Variants in ZNF503 observed in about 807,000 individuals in gnomAD.
ZNF503 encodes zinc finger protein 503.
A neutral mutation model predicts 34.4 loss-of-function variants in ZNF503; 15 were observed. The ratio of observed to expected loss-of-function variants is 0.44; its 90% CI spans 0.29 to 0.67. The LOEUF (loss-of-function observed/expected upper bound fraction) is 0.67, where lower values mean the gene tolerates loss of function less well. Among genes scored for constraint, ZNF503 ranks in the 30% least tolerant of loss-of-function variants. The pLI, the probability that ZNF503 is intolerant of heterozygous loss-of-function variation, is 0.13. For synonymous variants in ZNF503, 580 were observed against 456.8 expected, an observed-to-expected ratio of 1.27 and a Z score of -3.44; for missense variants, 1,007 against 926.8, an observed-to-expected ratio of 1.09 and a Z score of -1.12.
chr10:75,377,030 A>T, the ZNF503 span, among the ~76,000 whole-genome samples: 29 of 152,364 alleles, frequency 1.9e-4, no homozygotes, highest in Non-Finnish European at 3.2e-4. Flanking sequence ...GACCAGCAAC[A>T]TCAGCATCAC....
chr10:75,310,787 C>T, the ZNF503 span, among the ~76,000 whole-genome samples: 1 of 152,168 alleles, frequency 6.6e-6, no homozygotes, highest in South Asian at 2.1e-4. Flanking sequence ...AGAAACTAGA[C>T]TACTACCTGC....
the ZNF503 span, chr10:75,279,819 T>A: frequency 6.6e-6 from 1 of 152,238 alleles, no homozygotes; most frequent in Non-Finnish European, 1.5e-5. Context: ...GATGACGGTC[T>A]GATTCCTAGT....
chr10:75,314,820 A>G, the ZNF503 span, among the ~76,000 whole-genome samples: 2 of 152,238 alleles, frequency 1.3e-5, no homozygotes, highest in Non-Finnish European at 2.9e-5. Flanking sequence ...GAAATGAAGG[A>G]GACATAAAGA....
the ZNF503 span, among the ~76,000 whole-genome samples, chr10:75,330,254 T>C: frequency 6.6e-6 from 1 of 152,218 alleles, no homozygotes; most frequent in African/African-American, 2.4e-5. Flanking sequence ...GGATTTGGCT[T>C]GCTAATGTTT....
chr10:75,386,815 C>T, the ZNF503 span, among the ~76,000 whole-genome samples: 1 of 152,340 alleles, frequency 6.6e-6, no homozygotes, highest in African/African-American at 2.4e-5. Context: ...GCCTATTCAT[C>T]ATCCAAGCCC....
the ZNF503 span, among the ~76,000 whole-genome samples, chr10:75,287,592 T>A: frequency 2.0e-5 from 3 of 152,252 alleles, no homozygotes; most frequent in Admixed American, 6.5e-5. Context: ...TTTGTGATAC[T>A]TTCTGGACCT....
At chr10:75,392,121 G>A in the ZNF503 span, among the ~76,000 whole-genome samples, 2 of 152,138 alleles carry the variant, frequency 1.3e-5, no homozygotes, top group African/African-American at 4.8e-5. Context: ...TACTTTATTC[G>A]GCTTCATCAC....
chr10:75,281,429 G>A, the ZNF503 span, among the ~76,000 whole-genome samples: 2 of 152,146 alleles, frequency 1.3e-5, no homozygotes, highest in Admixed American at 6.5e-5. Flanking sequence ...CGAGTGTGCC[G>A]CCTGGTTCCT....
At position 75,401,756 on chromosome 10, in the gene ZNF503, C is replaced by CG. The variant is rs1564761773; in HGVS notation, c.-338dup. The CG allele has an allele frequency of 2.9e-6, 1 of 343,630 alleles. No homozygotes were observed. The highest frequency in any genetic ancestry group is 2.2e-5 in the African/African-American group (1 of 45,174). The allele number at this position is 343,630 out of a possible 1,614,324, so 21.3% of individuals were successfully genotyped here. On this transcript the variant is annotated 5_prime_UTR_variant, in exon 1 of 2. Transcript: ENST00000372524. ...CGATGCGAGCCGCTGCGTGTCCAGC[C>CG]GGGGCTCTGGCGAGGAAACTCACTT...
At chr10:75,324,251 T>C in the ZNF503 span, among the ~76,000 whole-genome samples, 2 of 152,192 alleles carry the variant, frequency 1.3e-5, no homozygotes, top group East Asian at 3.9e-4. Flanking sequence ...TTTTCTCCTG[T>C]ATTTCTTCTA....
At chr10:75,369,324 G>A in the ZNF503 span, among the ~76,000 whole-genome samples, 1 of 152,230 alleles carries the variant, frequency 6.6e-6, no homozygotes, top group Admixed American at 6.5e-5. Context: ...ATCTTGAATT[G>A]TCATAACCCC....
At chr10:75,334,645 T>C in the ZNF503 span, among the ~76,000 whole-genome samples, 9 of 152,208 alleles carry the variant, frequency 5.9e-5, no homozygotes, top group African/African-American at 2.2e-4. Context: ...TATTTATATA[T>C]TCTAGAAATA....
rs1240925223 is a variant in ZNF503, at chr10:75,400,105, A to G, written c.585T>C (p.Gly195=). Residue 195 remains glycine (G), a synonymous_variant, in exon 2 of 2, where the codon GGT becomes GGC. Coordinates refer to ENST00000372524, the MANE Select transcript of ZNF503 (RefSeq NM_032772.6). The stretch of plus-strand genomic sequence containing the variant: ...CCCCGCCGCCGCCCCCGCCACCGCC[A>G]CCGCCTCCACCGCCGCCTCCCGGCT... ...KKEPGGGGGG[G]GGGGGGGGGV... The G allele has an allele frequency of 1.1e-6, 1 of 924,238 alleles. No homozygotes were observed. The highest frequency in any genetic ancestry group is 1.5e-6 in the Non-Finnish European group (1 of 683,406). 57.3% of individuals were successfully genotyped at this position (924,238 alleles called of 1,614,324 possible). A position where few individuals can be genotyped will look rare whatever the true frequency, so the allele number is the denominator to read the frequency against.
the ZNF503 span, among the ~76,000 whole-genome samples, chr10:75,322,553 G>A: frequency 6.6e-6 from 1 of 151,974 alleles, no homozygotes; most frequent in Non-Finnish European, 1.5e-5. Context: ...TTTTTGGCCA[G>A]GCACTGTCAC....
the ZNF503 span, among the ~76,000 whole-genome samples, chr10:75,281,889 G>A: frequency 6.6e-6 from 1 of 152,186 alleles, no homozygotes; most frequent in Non-Finnish European, 1.5e-5. Context: ...AGCTTAGAAG[G>A]GAACCAAATT....
the ZNF503 span, among the ~76,000 whole-genome samples, chr10:75,296,180 T>C: frequency 6.6e-6 from 1 of 152,190 alleles, no homozygotes; most frequent in African/African-American, 2.4e-5. Context: ...GGGAAGAGAA[T>C]TGTCCTGGAG....
chr10:75,400,451 G>C (rs1485516719), intron 1 of ZNF503, 77 bp from the exon 2 acceptor site: 1 of 1,478,560 alleles, frequency 6.8e-7, no homozygotes, highest in East Asian at 2.3e-5. Flanking sequence ...GGCTTCTGGG[G>C]TTCAAATGCC....
the ZNF503 span, chr10:75,361,822 A>C: frequency 6.6e-6 from 1 of 152,244 alleles, no homozygotes; most frequent in Non-Finnish European, 1.5e-5. Flanking sequence ...CATGAGCCTG[A>C]TAGCTGCCCA....
the ZNF503 span, chr10:75,280,017 T>C: frequency 6.6e-6 from 1 of 152,204 alleles, no homozygotes; most frequent in Non-Finnish European, 1.5e-5. Context: ...GACTATACAT[T>C]TAGTCTATTG....
Sources: allele counts gnomAD v4.1 joint callset (sites outside exome capture counted in the v4.1 genomes callset), GRCh38; gene constraint gnomAD v4.1.1; transcripts MANE v1.5; gene names NCBI Gene and HGNC (gene_info 2026-07-23, HGNC 2026-07-21).